Variants in AUTS2 observed in about 807,000 individuals in gnomAD.
AUTS2 encodes activator of transcription and developmental regulator AUTS2, also known as autism susceptibility gene 2 protein.
Under a neutral mutation model 112.4 loss-of-function variants are expected in AUTS2, and 17 were observed. The ratio of observed to expected loss-of-function variants is 0.15; its 90% CI spans 0.10 to 0.23. AUTS2 has a LOEUF of 0.23. Ranked by LOEUF, AUTS2 falls within the 10% of genes least tolerant of loss-of-function variation. The pLI is 1.00. For missense variants in AUTS2, 1,510 were observed against 1,701.6 expected, an observed-to-expected ratio of 0.89 and a Z score of 1.98; for synonymous variants, 751 against 702.7, an observed-to-expected ratio of 1.07 and a Z score of -1.09.
At chr7:70,709,436 C>G (rs1402507399) in intron 6 of AUTS2, among the ~76,000 whole-genome samples, 1 of 152,092 alleles carries the variant, frequency 6.6e-6, no homozygotes, top group Non-Finnish European at 1.5e-5. Context: ...GGCCAGCCAG[C>G]ACAGTGGCTC....
At chr7:70,086,235 T>C (rs1231074530) in intron 2 of AUTS2, among the ~76,000 whole-genome samples, 1 of 152,216 alleles carries the variant, frequency 6.6e-6, no homozygotes, top group Admixed American at 6.5e-5. Flanking sequence ...CATATTGTAT[T>C]GAATCTATAG....
chr7:70,653,708 A>C (rs1346562382), intron 5 of AUTS2, among the ~76,000 whole-genome samples: 1 of 152,214 alleles, frequency 6.6e-6, no homozygotes, highest in Non-Finnish European at 1.5e-5. Context: ...CATGATGGCT[A>C]CTCAAATGCT....
chr7:69,972,671 ATGTGTGTGTGTG>A (rs769055659), intron 2 of AUTS2, among the ~76,000 whole-genome samples: 67 of 85,338 alleles, frequency 7.9e-4, no homozygotes, highest in African/African-American at 1.7e-3. Flanking sequence ...GTGTGCGTGC[ATGTGTGTGTGTG>A]TGTGTGTGTG....
At chr7:70,356,297 G>A (rs372598954) in intron 4 of AUTS2, among the ~76,000 whole-genome samples, 67 of 152,302 alleles carry the variant, frequency 4.4e-4, no homozygotes, top group African/African-American at 1.5e-3. Flanking sequence ...GGAGGATCAA[G>A]TTGCTTTATA....
intron 2 of AUTS2, among the ~76,000 whole-genome samples, chr7:69,935,817 A>G (rs1193712261): frequency 6.6e-6 from 1 of 152,212 alleles, no homozygotes; most frequent in Non-Finnish European, 1.5e-5. Context: ...AATTGATGTT[A>G]CAAATTAGAG....
At chr7:70,080,745 A>C (rs1803262165) in intron 2 of AUTS2, among the ~76,000 whole-genome samples, 1 of 152,160 alleles carries the variant, frequency 6.6e-6, no homozygotes, top group African/African-American at 2.4e-5. Context: ...TTTTGCCTTC[A>C]TCATAGCAAA....
chr7:70,236,540 A>G (rs1201683864), intron 4 of AUTS2, among the ~76,000 whole-genome samples: 1 of 152,188 alleles, frequency 6.6e-6, no homozygotes, highest in Admixed American at 6.5e-5. Flanking sequence ...CTTCATCTGT[A>G]TGTGTATATT....
At chr7:70,240,473 A>G (rs1812553291) in intron 4 of AUTS2, among the ~76,000 whole-genome samples, 1 of 152,228 alleles carries the variant, frequency 6.6e-6, no homozygotes, top group Admixed American at 6.5e-5. Context: ...GGCAGAAGGA[A>G]TGAATTAAAT....
intron 1 of AUTS2, among the ~76,000 whole-genome samples, chr7:69,847,737 G>A (rs1423202861): frequency 1.3e-5 from 2 of 152,336 alleles, no homozygotes; most frequent in Middle Eastern, 3.4e-3. Flanking sequence ...CCGAACACTT[G>A]AACGTGAGAG....
intron 1 of AUTS2, among the ~76,000 whole-genome samples, chr7:69,787,291 G>A (rs977724012): frequency 6.6e-6 from 1 of 152,198 alleles, no homozygotes; most frequent in African/African-American, 2.4e-5. Flanking sequence ...GGAAAAGAAA[G>A]ATGACTCTAG....
Position 70,004,325 on chromosome 7 carries a change from A to T in AUTS2, c.522+104827A>T, listed in dbSNP as rs999932658. Among the ~76,000 whole-genome samples, 261 of 132,478 alleles carry T rather than the reference A, an allele frequency of 2.0e-3. 1 individual carries two copies. The highest frequency in any genetic ancestry group is 6.6e-3 in the African/African-American group (241 of 36,506). The allele number at this position is 132,478 out of a possible 152,430, so 86.9% of individuals were successfully genotyped here. ...TATGTGACTATATATTATATATATA[A>T]TATATATATGAATATATATTCATAT... On this transcript the variant is annotated intron_variant, in intron 2 of 18. Coordinates refer to ENST00000342771, the MANE Select transcript of AUTS2 (RefSeq NM_015570.4).
At chr7:69,868,572 A>T (rs1793342467) in intron 1 of AUTS2, among the ~76,000 whole-genome samples, 1 of 152,200 alleles carries the variant, frequency 6.6e-6, no homozygotes, top group African/African-American at 2.4e-5. Flanking sequence ...CAGACCACAT[A>T]AGTAAGTCTA....
chr7:70,196,397 A>C (rs1314646943), intron 4 of AUTS2, among the ~76,000 whole-genome samples: 1 of 152,166 alleles, frequency 6.6e-6, no homozygotes, highest in Admixed American at 6.5e-5. Context: ...ATACCGAATA[A>C]AATAGAAGGG....
chr7:69,918,020 T>G (rs1354487716), intron 2 of AUTS2, among the ~76,000 whole-genome samples: 1 of 152,086 alleles, frequency 6.6e-6, no homozygotes. Context: ...TTTTTGTATT[T>G]TTAGTAGAGA....
At chr7:69,934,557 G>A (rs1326617092) in intron 2 of AUTS2, among the ~76,000 whole-genome samples, 1 of 152,166 alleles carries the variant, frequency 6.6e-6, no homozygotes, top group East Asian at 1.9e-4. Flanking sequence ...GGCTCAAAAT[G>A]CACCAGACAT....
intron 2 of AUTS2, among the ~76,000 whole-genome samples, chr7:70,038,223 A>G (rs1241289671): frequency 2.0e-5 from 3 of 152,166 alleles, no homozygotes; most frequent in Non-Finnish European, 2.9e-5. Flanking sequence ...TTGGAAACCA[A>G]GCATTTCAAA....
chr7:70,370,262 T>A (rs1296639619), intron 4 of AUTS2, among the ~76,000 whole-genome samples: 1 of 152,178 alleles, frequency 6.6e-6, no homozygotes, highest in East Asian at 1.9e-4. Flanking sequence ...CCATAATCAA[T>A]TTTAGAATCA....
At position 70,155,777 on chromosome 7, in the gene AUTS2, G is replaced by A. The variant is rs553549631; in HGVS notation, c.660+21206G>A. 3.3e-5 allele frequency among the ~76,000 whole-genome samples: 5 copies of A among 152,246 alleles called. No homozygotes were observed. The South Asian group carries it at 1.0e-3, about 32-fold the overall frequency. On this transcript the variant is annotated intron_variant, in intron 4 of 18. Transcript: ENST00000342771. ...GTGTTTACTCTACTAGGGTAACCAA[G>A]TATTCAAGAGCTCAGAGAAAAAAGG...
intron 2 of AUTS2, among the ~76,000 whole-genome samples, chr7:70,047,038 G>A (rs756275472): frequency 6.6e-6 from 1 of 152,162 alleles, no homozygotes; most frequent in South Asian, 2.1e-4. Context: ...AGCACTGTAG[G>A]TATAACAAGT....
Sources: gnomAD v4.1 joint callset for allele counts (sites outside exome capture counted in the v4.1 genomes callset) on GRCh38, gnomAD v4.1.1 for gene constraint, MANE v1.5 for transcripts, NCBI Gene and HGNC (gene_info 2026-07-23, HGNC 2026-07-21) for gene names.